ZBTB18: variants seen among roughly 807,000 people sequenced by gnomAD.
ZBTB18 encodes zinc finger and BTB domain-containing protein 18.
ZBTB18 carries 2 observed loss-of-function variants against 37.7 expected under a neutral mutation model. The observed-to-expected ratio is 0.05, with a 90% CI of 0.02 to 0.17. The LOEUF (loss-of-function observed/expected upper bound fraction) is 0.17, where lower values mean the gene tolerates loss of function less well. Among genes scored for constraint, ZBTB18 ranks in the 10% least tolerant of loss-of-function variants. The probability of loss-of-function intolerance (pLI) is 1.00; values close to 1 mark genes in which losing one functional copy is unlikely to be tolerated. For missense variants in ZBTB18, 408 were observed against 686.3 expected (o/e 0.59, Z 4.53); for synonymous variants, 304 against 276.5 (o/e 1.10, Z -0.99).
intron 1 of ZBTB18, among the ~76,000 whole-genome samples, chr1:244,052,715 G>A (rs1167920501): frequency 6.6e-6 from 1 of 151,570 alleles, no homozygotes; most frequent in Non-Finnish European, 1.5e-5. Flanking sequence ...AAGCTAGTGG[G>A]AAAACAGAAA....
rs939081428 is a variant in ZBTB18 at position 244,055,124 on chromosome 1, C to G, written c.1350C>G (p.Thr450=). ...THSGEKPYTC[T]QCGKSFQYSH... is the part of the protein sequence containing the mutation. ...CGGGGGAGAAGCCCTACACATGCAC[C>G]CAGTGCGGCAAGAGCTTCCAGTACT... is the stretch of plus-strand genomic sequence containing the variant. Residue 450 remains threonine, a synonymous_variant, in exon 2 of 2, where the codon ACC becomes ACG. Transcript: ENST00000358704. The surrounding 1 kb of genome is among the most constrained non-coding windows in gnomAD (Gnocchi z 7.0). 2.5e-6 allele frequency: 4 copies of G among 1,614,174 alleles called. No individual in the cohort carries two copies. The Admixed American group carries it at 5.0e-5, about 20-fold the overall frequency.
At position 244,054,733 on chromosome 1, in the gene ZBTB18, C is replaced by T. The variant is rs756684418; in HGVS notation, c.959C>T (p.Pro320Leu). ...VSTNNRVQYE[P>L]AHLAPLREDS... ...ACTAATAACAGGGTACAGTATGAGCCGGCCCATCTGGCTCCCCTGAGGGAG... is the reference window on the plus strand; with the variant it reads ...ACTAATAACAGGGTACAGTATGAGCTGGCCCATCTGGCTCCCCTGAGGGAG... The change falls in exon 2 of 2, where the codon CCG becomes CTG. Residue 320 changes from proline to leucine, a missense_variant. Pro to Leu is a moderately conservative substitution (Grantham distance 98). Around this residue, in one of 4 missense-constraint regions of ZBTB18, gnomAD observed 266 missense variants for 312.0 expected, o/e 0.85. Coordinates refer to ENST00000358704, the MANE Select transcript of ZBTB18 (RefSeq NM_205768.3). The surrounding 1 kb of genome is among the most constrained non-coding windows in gnomAD (Gnocchi z 9.0). 19 of 1,614,130 alleles carry T rather than the reference C, an allele frequency of 1.2e-5. No individual in the cohort carries two copies. The highest frequency in any genetic ancestry group is 1.4e-5 in the Non-Finnish European group (17 of 1,180,040).
In ZBTB18 at chr1:244,051,460, G is replaced by A. The variant is rs1368997300; in HGVS notation, c.13+16G>A. ...TGTCCTAAAGGTAGGAGTAGCAAGA[G>A]ATTAGATTGAGCATATTTCTGTTTT... On this transcript the variant is annotated intron_variant, in intron 1 of 1. Transcript: ENST00000358704. 1.2e-6 allele frequency: 2 copies of A among 1,613,796 alleles called. No individual in the cohort carries two copies. The highest frequency in any genetic ancestry group is 1.7e-6 in the Non-Finnish European group (2 of 1,179,940).
In ZBTB18 at chr1:244,056,212, A is replaced by G. The variant is rs979577960; in HGVS notation, c.*842A>G. 2 of 167,104 alleles carry G rather than the reference A, an allele frequency of 1.2e-5. No homozygotes were observed. The highest frequency in any genetic ancestry group is 2.4e-5 in the African/African-American group (1 of 41,450). The allele number at this position is 167,104 out of a possible 1,614,324, so 10.4% of individuals were successfully genotyped here. A position where few individuals can be genotyped will look rare whatever the true frequency, so the allele number is the denominator to read the frequency against. ...TATTTTTTGTCTTTGTTTGCATTGT[A>G]TAACTTTAACGAGTGAGTTTAAAAT... is the stretch of plus-strand genomic sequence containing the variant. On this transcript the variant is annotated 3_prime_UTR_variant, in exon 2 of 2. Transcript: ENST00000358704.
rs1558148050 is a variant in ZBTB18 at position 244,051,464 on chromosome 1, A to C, written c.13+20A>C. 6.2e-7 allele frequency: 1 copy of C among 1,613,674 alleles called. No homozygotes were observed. The highest frequency in any genetic ancestry group is 1.3e-5 in the African/African-American group (1 of 74,920). The stretch of plus-strand genomic sequence containing the variant: ...CTAAAGGTAGGAGTAGCAAGAGATT[A>C]GATTGAGCATATTTCTGTTTTGGTG... On this transcript the variant is annotated intron_variant, in intron 1 of 1. Coordinates refer to ENST00000358704, the MANE Select transcript of ZBTB18 (RefSeq NM_205768.3).
upstream of ZBTB18, among the ~76,000 whole-genome samples, chr1:244,048,747 G>T (rs1208426836): frequency 3.5e-5 from 5 of 144,070 alleles, no homozygotes; most frequent in East Asian, 2.3e-4. Context: ...ATGGGGAGCC[G>T]TTGAGAGTGG....
rs764736371 is a variant in ZBTB18, at chr1:244,054,507, G to T, written c.733G>T (p.Val245Phe). The T allele has an allele frequency of 6.2e-7, 1 of 1,614,260 alleles. No individual in the cohort carries two copies. Residue 245 changes from valine (V) to phenylalanine (F), a missense_variant, in exon 2 of 2, where the codon GTT becomes TTT. Val to Phe is a conservative substitution (Grantham distance 50). Transcript: ENST00000358704. The surrounding 1 kb of genome is among the most constrained non-coding windows in gnomAD (Gnocchi z 9.0). ...SVTSVRDSAD[V>F]DCVLDLSVKS... ...CACCTCCGTGAGGGATTCGGCAGAT[G>T]TTGACTGTGTGCTGGACCTGTCTGT...
Position 244,054,681 on chromosome 1 carries a change from C to T in ZBTB18, c.907C>T (p.His303Tyr), listed in dbSNP as rs750561368. Residue 303 changes from histidine (H) to tyrosine (Y), a missense_variant, in exon 2 of 2, where the codon CAT becomes TAT. Coordinates refer to ENST00000358704, the MANE Select transcript of ZBTB18 (RefSeq NM_205768.3). This position sits in a 1 kb window ranked among gnomAD's most constrained non-coding sequence, Gnocchi z 9.0. Reference sequence around the variant, plus strand: ...TGGCACTAATGACTATGACATGGAACATAGCACTGTGAAAGAAAGTGTGAG... The same window carrying T: ...TGGCACTAATGACTATGACATGGAATATAGCACTGTGAAAGAAAGTGTGAG... ...DVGTNDYDME[H>Y]STVKESVSTN... 3.7e-6 allele frequency: 6 copies of T among 1,614,084 alleles called. No individual in the cohort carries two copies. In the South Asian group the frequency reaches 6.6e-5, roughly 18 times the overall value.
upstream of ZBTB18, chr1:244,048,925 GGGA>G (rs564376369): frequency 0.025 from 4,068 of 160,774 alleles, 79 homozygotes; most frequent in Middle Eastern, 0.076. Flanking sequence ...GGCGGCGGCC[GGGA>G]GGAGGAGGAG....
Position 244,056,557 on chromosome 1 carries a change from A to G in ZBTB18, c.*1187A>G, listed in dbSNP as rs1046901064. 1.8e-5 allele frequency: 3 copies of G among 167,106 alleles called. No homozygotes were observed. The highest frequency in any genetic ancestry group is 7.2e-5 in the African/African-American group (3 of 41,464). 10.4% of individuals were successfully genotyped at this position (167,106 alleles called of 1,614,324 possible). On this transcript the variant is annotated 3_prime_UTR_variant, in exon 2 of 2. Coordinates refer to ENST00000358704, the MANE Select transcript of ZBTB18 (RefSeq NM_205768.3). Reference sequence around the variant, plus strand: ...ATTTACCCAGTTGAGCGTTCTTAGAATAACTACTGCACAAGTTGACAATAG... The same window carrying G: ...ATTTACCCAGTTGAGCGTTCTTAGAGTAACTACTGCACAAGTTGACAATAG...
chr1:244,054,757 A>C lies in ZBTB18; in HGVS notation c.983A>C (p.Glu328Ala), dbSNP rs1255584888. The C allele has an allele frequency of 2.3e-5, 37 of 1,614,056 alleles. No individual in the cohort carries two copies. The highest frequency in any genetic ancestry group is 3.1e-5 in the Non-Finnish European group (36 of 1,180,020). Residue 328 changes from glutamate to alanine, a missense_variant, in exon 2 of 2, where the codon GAG (glutamate) becomes GCG (alanine). By Grantham distance (107) the Glu-to-Ala change is moderately radical. Coordinates refer to ENST00000358704, the MANE Select transcript of ZBTB18 (RefSeq NM_205768.3). The surrounding 1 kb of genome is among the most constrained non-coding windows in gnomAD (Gnocchi z 9.0). Reference sequence around the variant, plus strand: ...CCGGCCCATCTGGCTCCCCTGAGGGAGGACTCGGTCTTGAGGGAGCTGGAC... The same window carrying C: ...CCGGCCCATCTGGCTCCCCTGAGGGCGGACTCGGTCTTGAGGGAGCTGGAC... ...YEPAHLAPLREDSVLRELDRE... is the reference protein window; with the variant it reads ...YEPAHLAPLRADSVLRELDRE...
chr1:244,049,428 C>A (rs1363914515), upstream of ZBTB18, among the ~76,000 whole-genome samples: 7 of 114,204 alleles, frequency 6.1e-5, no homozygotes, highest in African/African-American at 2.3e-4. Flanking sequence ...CTCCGGGGAC[C>A]GGTGCAGCTG....
chr1:244,052,141 C>T (rs535081969), intron 1 of ZBTB18, among the ~76,000 whole-genome samples: 1 of 152,326 alleles, frequency 6.6e-6, no homozygotes, highest in South Asian at 2.1e-4. Flanking sequence ...CAGCTGTAAT[C>T]GCACTCCTCT....
rs1698384392 is a variant in ZBTB18, at chr1:244,053,051, C to A, written c.14-737C>A. ...TTTTTCTCAGTTCGTTTTGAAAAAT[C>A]TTTGGATTTGTTCATAGTAAAGATG... On this transcript the variant is annotated intron_variant, in intron 1 of 1. Transcript: ENST00000358704. The surrounding 1 kb of genome is among the most constrained non-coding windows in gnomAD (Gnocchi z 5.2). Among the ~76,000 whole-genome samples, 1 of 152,142 alleles carries A rather than the reference C, an allele frequency of 6.6e-6. No homozygotes were observed. The highest frequency in any genetic ancestry group is 2.4e-5 in the African/African-American group (1 of 41,438).
In ZBTB18 at chr1:244,051,388, AC is replaced by A. The variant is rs759695753; in HGVS notation, c.-42del. On this transcript the variant is annotated 5_prime_UTR_variant, in exon 1 of 2. Coordinates refer to ENST00000358704, the MANE Select transcript of ZBTB18 (RefSeq NM_205768.3). ...TGCTTTTTTTCCACCGATGTAACAGACCTGGAGCCAGCAGGACTCAGAGGAA... is the reference window on the plus strand; with the variant it reads ...TGCTTTTTTTCCACCGATGTAACAGACTGGAGCCAGCAGGACTCAGAGGAA... 2 of 1,612,948 alleles carry A rather than the reference AC, an allele frequency of 1.2e-6. No homozygotes were observed. Among genetic ancestry groups the A allele is most frequent in the African/African-American group, 2.7e-5 (2 of 74,842 alleles).
rs529580320 is a variant in ZBTB18, at chr1:244,053,069, T to C, written c.14-719T>C. Among the ~76,000 whole-genome samples, 1 of 152,362 alleles carries C rather than the reference T, an allele frequency of 6.6e-6. No homozygotes were observed. The highest frequency in any genetic ancestry group is 2.1e-4 in the South Asian group (1 of 4,832). ...GAAAAATCTTTGGATTTGTTCATAGTAAAGATGATCTTTTCCATCTGTTGG... is the reference window on the plus strand; with the variant it reads ...GAAAAATCTTTGGATTTGTTCATAGCAAAGATGATCTTTTCCATCTGTTGG... On this transcript the variant is annotated intron_variant, in intron 1 of 1. Coordinates refer to ENST00000358704, the MANE Select transcript of ZBTB18 (RefSeq NM_205768.3). The surrounding 1 kb of genome is among the most constrained non-coding windows in gnomAD (Gnocchi z 5.2).
chr1:244,055,388 TAATA>T lies in ZBTB18; in HGVS notation c.*19_*22del. ...GGAAATAATTTTATATATATATAAA[TAATA>T]TATATATATATACATATATATAAAT... is the stretch of plus-strand genomic sequence containing the variant. On this transcript the variant is annotated 3_prime_UTR_variant, in exon 2 of 2. Coordinates refer to ENST00000358704, the MANE Select transcript of ZBTB18 (RefSeq NM_205768.3). The surrounding 1 kb of genome is among the most constrained non-coding windows in gnomAD (Gnocchi z 7.0). 5.7e-6 allele frequency: 4 copies of T among 704,910 alleles called. No homozygotes were observed. The highest frequency in any genetic ancestry group is 7.9e-6 in the Non-Finnish European group (4 of 509,046). 43.7% of individuals were successfully genotyped at this position (704,910 alleles called of 1,614,324 possible).
In ZBTB18 at chr1:244,051,441, A is replaced by T. The variant is rs748413692; in HGVS notation, c.10A>T (p.Lys4Ter). ...GGACTTAATCAGGTTTATGTGTCCTAAAGGTAGGAGTAGCAAGAGATTAGA... is the reference window on the plus strand; with the variant it reads ...GGACTTAATCAGGTTTATGTGTCCTTAAGGTAGGAGTAGCAAGAGATTAGA... MCP[K>*]GYEDSMEFPD... The change falls in exon 1 of 2, where the codon AAA (lysine) becomes TAA (stop). Residue 4 changes from lysine (K) to a stop codon, truncating the protein, a stop_gained. Coordinates refer to ENST00000358704, the MANE Select transcript of ZBTB18 (RefSeq NM_205768.3). LOFTEE classifies it high-confidence loss of function. 3 of 1,614,140 alleles carry T rather than the reference A, an allele frequency of 1.9e-6. No homozygotes were observed. The highest frequency in any genetic ancestry group is 1.7e-6 in the Non-Finnish European group (2 of 1,180,000).
upstream of ZBTB18, among the ~76,000 whole-genome samples, chr1:244,048,628 G>GCCCCCCCCCCCCC (rs1325001619): frequency 7.6e-5 from 6 of 79,442 alleles, no homozygotes; most frequent in Admixed American, 1.2e-4. Context: ...CCCCGCGCCC[G>GCCCCCCCCCCCCC]CCCCCCCCCC....
Sources: gnomAD v4.1 joint callset for allele counts (sites outside exome capture counted in the v4.1 genomes callset) on GRCh38, gnomAD v4.1.1 for gene constraint, gnomAD v4.1.1 regional missense constraint, Gnocchi (gnomAD v3.1) non-coding constraint, MANE v1.5 for transcripts, NCBI Gene and HGNC (gene_info 2026-07-23, HGNC 2026-07-21) for gene names.